Variants in ITGB6 observed in about 807,000 individuals in gnomAD.
ITGB6 encodes the protein integrin subunit beta 6.
A neutral mutation model predicts 84.5 loss-of-function variants in ITGB6; 80 were observed. That is an observed-to-expected ratio of 0.95 (90% CI 0.79 to 1.14). The LOEUF (loss-of-function observed/expected upper bound fraction) is 1.14, where lower values mean the gene tolerates loss of function less well. Ranked by LOEUF, ITGB6 falls within the 50% of genes most tolerant of loss-of-function variation. The pLI is 0.00. For missense variants in ITGB6, 1,006 were observed against 968.0 expected (o/e 1.04, Z -0.52); for synonymous variants, 383 against 354.9 (o/e 1.08, Z -0.89).
chr2:160,194,137 A>T (rs138418826), intron 4 of ITGB6, among the ~76,000 whole-genome samples: 38 of 152,348 alleles, frequency 2.5e-4, no homozygotes, highest in African/African-American at 8.2e-4. Context: ...GGCCTGGGTG[A>T]CAGAGTGAAA....
intron 7 of ITGB6, among the ~76,000 whole-genome samples, chr2:160,143,862 A>AGGG (rs1351977642): frequency 6.6e-6 from 1 of 152,198 alleles, no homozygotes; most frequent in Non-Finnish European, 1.5e-5. Context: ...GAATGCATGC[A>AGGG]GGGTGCCCCG....
At chr2:160,199,900 GA>G in intron 1 of ITGB6, 102 bp downstream of exon 1, 1 of 894,202 alleles carries the variant, frequency 1.1e-6, no homozygotes, top group Non-Finnish European at 1.8e-6. Context: ...AAGAGCAATG[GA>G]ACAGATCAAA....
At chr2:160,120,145 G>T (rs1682968360) in intron 12 of ITGB6, among the ~76,000 whole-genome samples, 1 of 152,072 alleles carries the variant, frequency 6.6e-6, no homozygotes, top group South Asian at 2.1e-4. Flanking sequence ...AATACTATTT[G>T]ACCCAGCCAT....
Position 160,137,459 on chromosome 2 carries a change from C to T in ITGB6, c.1635G>A (p.Val545=), listed in dbSNP as rs1405835080. The T allele has an allele frequency of 1.2e-6, 2 of 1,612,008 alleles. No individual in the cohort carries two copies. The highest frequency in any genetic ancestry group is 2.2e-5 in the East Asian group (1 of 44,838). The change falls in exon 10 of 15, where the codon GTG becomes GTA. Residue 545 remains valine (V), a synonymous_variant. Transcript: ENST00000283249. ...PYCQCDNFSC[V]RHKGLLCGGN... ...CTCCGCAGAGCAGCCCTTTGTGTCT[C>T]ACGCAGGAGAAATTGTCACACTGGC... is the stretch of plus-strand genomic sequence containing the variant.
intron 10 of ITGB6, among the ~76,000 whole-genome samples, chr2:160,136,735 G>A (rs1022862783): frequency 1.3e-5 from 2 of 152,160 alleles, no homozygotes; most frequent in Non-Finnish European, 2.9e-5. Context: ...AAAATGATGA[G>A]TTCATGTCAT....
Position 160,199,996 on chromosome 2 carries a change from G to A in ITGB6, c.61+7C>T, listed in dbSNP as rs373628699. The A allele has an allele frequency of 8.8e-5, 142 of 1,609,540 alleles. No homozygotes were observed. Among genetic ancestry groups the A allele is most frequent in the Non-Finnish European group, 1.2e-4 (138 of 1,176,222 alleles). On this transcript the variant is annotated splice_region_variant and intron_variant, in intron 1 of 14. Transcript: ENST00000283249. The stretch of plus-strand genomic sequence containing the variant: ...GAAAGTAATATATCAGAGAACGCAG[G>A]TCTTACCTTGTACGTGATCATTCCT...
chr2:160,121,532 C>T (rs1683038952), intron 12 of ITGB6, among the ~76,000 whole-genome samples: 1 of 152,100 alleles, frequency 6.6e-6, no homozygotes, highest in African/African-American at 2.4e-5. Context: ...TGCCTGTAAT[C>T]CCAGCAATTT....
intron 4 of ITGB6, among the ~76,000 whole-genome samples, chr2:160,188,957 A>G (rs1054885933): frequency 6.6e-6 from 1 of 152,136 alleles, no homozygotes; most frequent in Admixed American, 6.6e-5. Context: ...AAACTATACT[A>G]CAAGGCTACA....
In ITGB6 at chr2:160,123,785, C is replaced by G; in HGVS notation, c.1981+6G>C. ...GAAATGAAAAACAATTTAAGACAAG[C>G]AGAACCTTCTTCTTCACTGATGGTC... On this transcript the variant is annotated splice_donor_region_variant and intron_variant, in intron 12 of 14. Coordinates refer to ENST00000283249, the MANE Select transcript of ITGB6 (RefSeq NM_000888.5). 1 of 1,609,264 alleles carries G rather than the reference C, an allele frequency of 6.2e-7. No individual in the cohort carries two copies. The highest frequency in any genetic ancestry group is 8.5e-7 in the Non-Finnish European group (1 of 1,175,834).
Position 160,154,207 on chromosome 2 carries a change from G to A in ITGB6, c.1018-12136C>T, listed in dbSNP as rs536613264. 4.4e-3 allele frequency among the ~76,000 whole-genome samples: 666 copies of A among 152,310 alleles called. 5 individuals carry two copies. The highest frequency in any genetic ancestry group is 5.0e-3 in the Non-Finnish European group (343 of 68,038). On this transcript the variant is annotated intron_variant, in intron 7 of 14. Transcript: ENST00000283249. Reference sequence around the variant, plus strand: ...CCAAATGTCCATCAATGATAGACTGGATTAAGAAAATGTGGCACATATACA... The same window carrying A: ...CCAAATGTCCATCAATGATAGACTGAATTAAGAAAATGTGGCACATATACA...
At chr2:160,149,112 G>A (rs946814215) in intron 7 of ITGB6, among the ~76,000 whole-genome samples, 1 of 152,258 alleles carries the variant, frequency 6.6e-6, no homozygotes, top group Non-Finnish European at 1.5e-5. Context: ...TCAGCACTGC[G>A]TTTGAGCTCT....
intron 4 of ITGB6, among the ~76,000 whole-genome samples, chr2:160,191,189 C>T (rs1055147991): frequency 1.4e-4 from 22 of 152,262 alleles, no homozygotes; most frequent in Admixed American, 4.6e-4. Flanking sequence ...TCATACCTTA[C>T]TTTTTATTAT....
intron 7 of ITGB6, among the ~76,000 whole-genome samples, chr2:160,151,913 T>C (rs1425295528): frequency 6.6e-6 from 1 of 152,160 alleles, no homozygotes; most frequent in Admixed American, 6.5e-5. Context: ...GTTGAATCTC[T>C]GAATAGAACA....
intron 10 of ITGB6, 99 bp downstream of exon 10, chr2:160,137,335 C>A: frequency 9.1e-7 from 1 of 1,099,502 alleles, no homozygotes; most frequent in Non-Finnish European, 1.3e-6. Context: ...ATTTATTGAG[C>A]ACCTACTGTG....
intron 3 of ITGB6, 119 bp downstream of exon 3, chr2:160,196,097 T>C: frequency 1.2e-6 from 1 of 860,004 alleles, no homozygotes; most frequent in South Asian, 1.7e-5. Flanking sequence ...TCCTTAAGAA[T>C]GGGAAATTCG....
chr2:160,172,618 C>T lies in ITGB6; in HGVS notation c.872G>A (p.Gly291Glu). 6.2e-7 allele frequency: 1 copy of T among 1,611,232 alleles called. No homozygotes were observed. The highest frequency in any genetic ancestry group is 1.1e-5 in the South Asian group (1 of 90,874). ...KLAGIVIPND[G>E]LCHLDSKNEY... ...ATTCTTGCTGTCCAAGTGACAGAGC[C>T]CGTCATTAGGAATGACGATGCCTGC... is the stretch of plus-strand genomic sequence containing the variant. Residue 291 changes from glycine (G) to glutamate (E), a missense_variant, in exon 6 of 15, where the codon GGG becomes GAG. By Grantham distance (98) the Gly-to-Glu change is moderately conservative. Coordinates refer to ENST00000283249, the MANE Select transcript of ITGB6 (RefSeq NM_000888.5).
intron 4 of ITGB6, among the ~76,000 whole-genome samples, chr2:160,179,943 CAAAA>C (rs60463723): frequency 1.4e-4 from 14 of 102,966 alleles, no homozygotes; most frequent in East Asian, 1.1e-3. Flanking sequence ...ACTAAAAATA[CAAAA>C]AAAAAAAAAA....
intron 7 of ITGB6, among the ~76,000 whole-genome samples, chr2:160,164,388 G>T (rs971933186): frequency 1.3e-5 from 2 of 152,026 alleles, no homozygotes; most frequent in Non-Finnish European, 2.9e-5. Context: ...TTTAGATCTC[G>T]CATTATTGAA....
At chr2:160,148,788 G>A (rs1263156600) in intron 7 of ITGB6, among the ~76,000 whole-genome samples, 1 of 152,234 alleles carries the variant, frequency 6.6e-6, no homozygotes. Context: ...GGCAGACAAA[G>A]TGATTCTCTC....
Sources: gnomAD v4.1 joint callset for allele counts (sites outside exome capture counted in the v4.1 genomes callset) on GRCh38, gnomAD v4.1.1 for gene constraint, MANE v1.5 for transcripts, NCBI Gene and HGNC (gene_info 2026-07-23, HGNC 2026-07-21) for gene names.